The following IQSEC1 variants were observed in gnomAD, a reference collection of about 807,000 sequenced individuals.
IQSEC1 encodes IQ motif and SEC7 domain-containing protein 1.
IQSEC1 carries 31 observed loss-of-function variants against 91.0 expected under a neutral mutation model. That is an observed-to-expected ratio of 0.34 (90% CI 0.26 to 0.46). The LOEUF is 0.46. IQSEC1 is among the 20% of genes least tolerant of loss of function. The pLI, the probability that IQSEC1 is intolerant of heterozygous loss-of-function variation, is 1.00. For synonymous variants in IQSEC1, 699 were observed against 662.6 expected, an observed-to-expected ratio of 1.05 and a Z score of -0.84; for missense variants, 1,388 against 1,575.6, an observed-to-expected ratio of 0.88 and a Z score of 2.02.
chr3:13,217,964 T>C (rs1694581610), intron 1 of IQSEC1, among the ~76,000 whole-genome samples: 1 of 152,068 alleles, frequency 6.6e-6, no homozygotes, highest in South Asian at 2.1e-4. Flanking sequence ...AGACCTGGGA[T>C]GTAATGACCT....
Position 12,927,427 on chromosome 3 carries a change from G to C in IQSEC1, c.1569-2685C>G, listed in dbSNP as rs149521664. Among the ~76,000 whole-genome samples the C allele has an allele frequency of 1.9e-4, 26 of 136,442 alleles. No individual in the cohort carries two copies. The East Asian group carries it at 5.1e-3, about 27-fold the overall frequency. The allele number at this position is 136,442 out of a possible 152,430, so 89.5% of individuals were successfully genotyped here. ...TGCATGCTCTAACTCCACCCAGGCT[G>C]TCTGGTCCCTTCCCCACATAGGTGC... On this transcript the variant is annotated intron_variant, in intron 3 of 13. Coordinates refer to ENST00000613206, the MANE Select transcript of IQSEC1 (RefSeq NM_001134382.3).
At chr3:13,115,734 C>T (rs1165300538) in intron 2 of IQSEC1, among the ~76,000 whole-genome samples, 2 of 152,236 alleles carry the variant, frequency 1.3e-5, no homozygotes, top group African/African-American at 4.8e-5. Context: ...AGACCCTCTC[C>T]GGGCGCTGAA....
intron 1 of IQSEC1, among the ~76,000 whole-genome samples, chr3:13,278,150 C>T (rs1695724699): frequency 1.3e-5 from 2 of 152,172 alleles, no homozygotes; most frequent in Admixed American, 1.3e-4. Context: ...GAGTGAGTCA[C>T]CAACTCAGAG....
intron 1 of IQSEC1, among the ~76,000 whole-genome samples, chr3:13,014,481 G>A (rs979110646): frequency 7.2e-5 from 11 of 152,332 alleles, no homozygotes; most frequent in East Asian, 1.9e-4. Flanking sequence ...TGTCTGCAGC[G>A]TGGGGGCAGG....
intron 1 of IQSEC1, among the ~76,000 whole-genome samples, chr3:12,954,173 T>C (rs1699748465): frequency 2.0e-5 from 3 of 151,940 alleles, no homozygotes; most frequent in Admixed American, 1.3e-4. Context: ...ACATAAAGAG[T>C]ACCGTCAGCC....
intron 3 of IQSEC1, among the ~76,000 whole-genome samples, chr3:12,925,183 C>T (rs1386979111): frequency 2.0e-5 from 3 of 152,228 alleles, no homozygotes; most frequent in Non-Finnish European, 2.9e-5. Context: ...GTTCCCTGTC[C>T]GGCCCAACTC....
chr3:13,148,803 A>G (rs1440576679), intron 2 of IQSEC1, among the ~76,000 whole-genome samples: 1 of 152,290 alleles, frequency 6.6e-6, no homozygotes, highest in Non-Finnish European at 1.5e-5. Flanking sequence ...AAATGAGGAC[A>G]CGTCAGGCTA....
At chr3:13,072,096 C>T (rs1362508017) in intron 1 of IQSEC1, among the ~76,000 whole-genome samples, 1 of 152,244 alleles carries the variant, frequency 6.6e-6, no homozygotes, top group Non-Finnish European at 1.5e-5. Flanking sequence ...CCTAGCCTTG[C>T]GACTGAGCCC....
chr3:13,072,780 T>G (rs751261285), intron 1 of IQSEC1, among the ~76,000 whole-genome samples: 1 of 152,256 alleles, frequency 6.6e-6, no homozygotes, highest in Non-Finnish European at 1.5e-5. Context: ...GAAGACCTGC[T>G]GACTAATAGC....
chr3:12,999,741 C>A (rs1006501491), intron 1 of IQSEC1, among the ~76,000 whole-genome samples: 12 of 152,224 alleles, frequency 7.9e-5, no homozygotes, highest in African/African-American at 2.9e-4. Context: ...TTACCCAGAA[C>A]CTTCTGTGAC....
intron 1 of IQSEC1, among the ~76,000 whole-genome samples, chr3:13,225,071 G>A (rs1359158231): frequency 1.3e-5 from 2 of 152,254 alleles, no homozygotes; most frequent in Non-Finnish European, 2.9e-5. Context: ...GGGAAACAGA[G>A]CTAGAAAGTT....
chr3:13,013,760 G>T (rs1466847906), intron 1 of IQSEC1, among the ~76,000 whole-genome samples: 1 of 152,216 alleles, frequency 6.6e-6, no homozygotes, highest in African/African-American at 2.4e-5. Flanking sequence ...TACTCTCAGA[G>T]ACAAGACAGT....
chr3:13,172,478 G>C (rs1203512598), intron 1 of IQSEC1, among the ~76,000 whole-genome samples: 1 of 152,232 alleles, frequency 6.6e-6, no homozygotes, highest in Admixed American at 6.5e-5. Context: ...ATCTTGAGCA[G>C]AGGAGAGCTG....
Position 13,024,641 on chromosome 3 carries a change from G to A in IQSEC1, c.23+48351C>T, listed in dbSNP as rs375743643. 2.1e-3 allele frequency among the ~76,000 whole-genome samples: 289 copies of A among 139,390 alleles called. 2 individuals are homozygous for A. Among genetic ancestry groups the A allele is most frequent in the South Asian group, 7.7e-3 (32 of 4,170 alleles). 91.4% of individuals were successfully genotyped at this position (139,390 alleles called of 152,430 possible). On this transcript the variant is annotated intron_variant, in intron 1 of 13. Transcript: ENST00000613206. ...CTGTCCATCATCCATCCACCCATCCGTCCATCATCCATCCACCCATCCGTC... is the reference window on the plus strand; with the variant it reads ...CTGTCCATCATCCATCCACCCATCCATCCATCATCCATCCACCCATCCGTC...
chr3:13,018,790 T>C (rs1487311259), intron 1 of IQSEC1, among the ~76,000 whole-genome samples: 1 of 152,186 alleles, frequency 6.6e-6, no homozygotes. Flanking sequence ...CAGCAGCACC[T>C]ACTGCAGCTG....
At chr3:12,903,775 A>G (rs1694649146) in intron 12 of IQSEC1, among the ~76,000 whole-genome samples, 1 of 149,596 alleles carries the variant, frequency 6.7e-6, no homozygotes, top group African/African-American at 2.6e-5. Flanking sequence ...AGGGAGAGAG[A>G]AACAGTCCTC....
chr3:13,188,386 G>A lies in IQSEC1; in HGVS notation c.273-24253C>T, dbSNP rs1351502958. On this transcript the variant is annotated intron_variant, in intron 1 of 15. Transcript: ENST00000648114. ...CTCCAAGCCACTGTGACCACTGCAG[G>A]GAGGATCACGGTAAGAGTCATAGTC... Among the ~76,000 whole-genome samples, 3 of 152,190 alleles carry A rather than the reference G, an allele frequency of 2.0e-5. No individual in the cohort carries two copies. In the East Asian group the frequency reaches 5.8e-4, roughly 29 times the overall value.
chr3:13,195,852 G>A (rs1405257213), intron 1 of IQSEC1, among the ~76,000 whole-genome samples: 2 of 152,168 alleles, frequency 1.3e-5, no homozygotes, highest in Non-Finnish European at 2.9e-5. Flanking sequence ...GGATAAGATG[G>A]GGGGATGGTA....
Position 13,080,621 on chromosome 3 carries a change from CA to C in IQSEC1, c.303-33100del, listed in dbSNP as rs199714352. Among the ~76,000 whole-genome samples the C allele has an allele frequency of 6.1e-3, 933 of 152,150 alleles. 15 individuals carry two copies. Among genetic ancestry groups the C allele is most frequent in the African/African-American group, 0.021 (884 of 41,470 alleles). Reference sequence around the variant, plus strand: ...GGGACATGGACATTTAAGGGAACAGCAAAAGCCGCTGCAGGGGTGGGAAGAA... The same window carrying C: ...GGGACATGGACATTTAAGGGAACAGCAAAGCCGCTGCAGGGGTGGGAAGAA... On this transcript the variant is annotated intron_variant, in intron 2 of 15. Coordinates refer to the IQSEC1 transcript ENST00000648114.
Sources: gnomAD v4.1 joint callset for allele counts (sites outside exome capture counted in the v4.1 genomes callset) on GRCh38, gnomAD v4.1.1 for gene constraint, MANE v1.5 for transcripts, NCBI Gene and HGNC (gene_info 2026-07-23, HGNC 2026-07-21) for gene names.